FFAR1: variants seen among roughly 807,000 people sequenced by gnomAD.
FFAR1 encodes the protein free fatty acid receptor 1.
For missense variants in FFAR1, 424 were observed against 396.2 expected, an observed-to-expected ratio of 1.07 and a Z score of -0.60; for synonymous variants, 216 against 201.5, an observed-to-expected ratio of 1.07 and a Z score of -0.61.
At chr19:35,352,728 C>T in exon 1 of FFAR1, 2 of 518,826 alleles carry the variant, frequency 3.9e-6, no homozygotes, top group South Asian at 2.4e-5. Context: ...CTCTGCACGT[C>T]CTCACCTGCC....
upstream of FFAR1, among the ~76,000 whole-genome samples, chr19:35,348,223 T>C (rs1385896836): frequency 6.6e-6 from 1 of 152,216 alleles, no homozygotes; most frequent in African/African-American, 2.4e-5. Context: ...AGGGAGGCCT[T>C]GATCGCCCCA....
At chr19:35,350,273 A>G (rs1266431923), upstream of FFAR1, among the ~76,000 whole-genome samples, 1 of 152,190 alleles carries the variant, frequency 6.6e-6, no homozygotes, top group Non-Finnish European at 1.5e-5. Context: ...GAGGGAGAAC[A>G]GAGGGGCCCT....
upstream of FFAR1, among the ~76,000 whole-genome samples, chr19:35,350,573 C>T (rs2066939950): frequency 6.6e-6 from 1 of 152,184 alleles, no homozygotes. Flanking sequence ...GCACTGGCTA[C>T]ACACTCGGCC....
rs773272438 is a variant in FFAR1 at position 35,352,039 on chromosome 19, C to T, written c.488C>T (p.Pro163Leu). Residue 163 changes from proline to leucine, a missense_variant, in exon 1 of 1, where the codon CCG (proline) becomes CTG (leucine). Physicochemically the swap from Pro to Leu is moderately conservative, Grantham distance 98 (BLOSUM62 -3). Coordinates refer to ENST00000246553, the Ensembl canonical transcript of FFAR1. ...AACACCTCCCTGGGCATCAACACACCGGTCAACGGCTCTCCGGTCTGCCTG... is the reference window on the plus strand; with the variant it reads ...AACACCTCCCTGGGCATCAACACACTGGTCAACGGCTCTCCGGTCTGCCTG... 7 of 1,613,864 alleles carry T rather than the reference C, an allele frequency of 4.3e-6. No individual in the cohort carries two copies. In the African/African-American group the frequency reaches 5.3e-5, roughly 12 times the overall value.
upstream of FFAR1, among the ~76,000 whole-genome samples, chr19:35,350,603 A>G (rs201131728): frequency 2.4e-4 from 36 of 152,020 alleles, no homozygotes; most frequent in African/African-American, 7.0e-4. Flanking sequence ...ACAGGACCCC[A>G]ATTCCTCCCT....
At chr19:35,351,042 GC>G (rs1411053756), upstream of FFAR1, among the ~76,000 whole-genome samples, 6 of 152,072 alleles carry the variant, frequency 3.9e-5, no homozygotes, top group African/African-American at 1.4e-4. Context: ...CCTCCCTGCT[GC>G]CCCGCCGGCT....
At chr19:35,351,505 G>A (rs2066944020), upstream of FFAR1, 2 of 1,528,060 alleles carry the variant, frequency 1.3e-6, no homozygotes, top group Admixed American at 2.0e-5. Context: ...CTGAGGACAG[G>A]GAGCCAGGTT....
At chr19:35,352,741 T>G (rs536273664) in exon 1 of FFAR1, 1 of 493,076 alleles carries the variant, frequency 2.0e-6, no homozygotes, top group East Asian at 3.5e-5. Context: ...CACCTGCCTG[T>G]CTTCCGTGGG....
At chr19:35,348,228 G>A (rs1315470198), upstream of FFAR1, among the ~76,000 whole-genome samples, 4 of 152,112 alleles carry the variant, frequency 2.6e-5, no homozygotes, top group South Asian at 2.1e-4. Flanking sequence ...GGCCTTGATC[G>A]CCCCATCAAT....
upstream of FFAR1, among the ~76,000 whole-genome samples, chr19:35,348,112 G>A (rs192218779): frequency 6.6e-6 from 1 of 152,304 alleles, no homozygotes; most frequent in Admixed American, 6.5e-5. Flanking sequence ...TTGGCTCCTG[G>A]CACGTGGCAG....
upstream of FFAR1, among the ~76,000 whole-genome samples, chr19:35,349,003 G>C (rs946134435): frequency 1.2e-4 from 18 of 152,142 alleles, no homozygotes; most frequent in Admixed American, 2.0e-4. Context: ...TTGCTGAGGC[G>C]TGAAGAGCAG....
chr19:35,351,046 C>T (rs183854951), upstream of FFAR1, among the ~76,000 whole-genome samples: 6 of 152,282 alleles, frequency 3.9e-5, no homozygotes, highest in Non-Finnish European at 7.4e-5. Context: ...CCTGCTGCCC[C>T]GCCGGCTTTC....
upstream of FFAR1, chr19:35,351,442 G>C: frequency 1.1e-6 from 1 of 948,064 alleles, no homozygotes; most frequent in Non-Finnish European, 1.6e-6. Context: ...CTCCACACAG[G>C]GCTGGAACCC....
At chr19:35,348,261 C>G (rs2066929401), upstream of FFAR1, among the ~76,000 whole-genome samples, 1 of 152,168 alleles carries the variant, frequency 6.6e-6, no homozygotes, top group Non-Finnish European at 1.5e-5. Flanking sequence ...TGGTTTGATT[C>G]TTGTGAGCAC....
At chr19:35,351,548 C>T (rs1233130846), upstream of FFAR1, 3 of 1,539,584 alleles carry the variant, frequency 1.9e-6, no homozygotes, top group South Asian at 3.6e-5. Context: ...AGGACGGCGG[C>T]CCCATGGACC....
upstream of FFAR1, among the ~76,000 whole-genome samples, chr19:35,348,467 T>C (rs1334203373): frequency 1.3e-5 from 2 of 152,146 alleles, no homozygotes; most frequent in Non-Finnish European, 2.9e-5. Context: ...AGCGTGGTGA[T>C]TCACACCTGT....
upstream of FFAR1, chr19:35,351,395 T>TC (rs544387917): frequency 3.7e-4 from 77 of 206,600 alleles, 1 homozygote; most frequent in South Asian, 0.01. Flanking sequence ...TCTGTGGGCC[T>TC]CGTTTCCTCC....
chr19:35,352,040 G>A (rs201789700), exon 1 of FFAR1: 5 of 1,613,940 alleles, frequency 3.1e-6, no homozygotes, highest in Non-Finnish European at 3.4e-6. Flanking sequence ...TCAACACACC[G>A]GTCAACGGCT....
upstream of FFAR1, among the ~76,000 whole-genome samples, chr19:35,349,680 C>T (rs1420047809): frequency 6.6e-6 from 1 of 152,176 alleles, no homozygotes; most frequent in African/African-American, 2.4e-5. Context: ...GGAGGCCACA[C>T]AGAGAGAGGT....
Sources: allele counts gnomAD v4.1 joint callset (sites outside exome capture counted in the v4.1 genomes callset), GRCh38; gene constraint gnomAD v4.1.1; transcripts MANE v1.5; gene names NCBI Gene and HGNC (gene_info 2026-07-23, HGNC 2026-07-21).